TM9SF2: variants seen among roughly 807,000 people sequenced by gnomAD.
The protein encoded by TM9SF2 is 76 kDa membrane protein.
A neutral mutation model predicts 84.9 loss-of-function variants in TM9SF2; 13 were observed. That is an observed-to-expected ratio of 0.15 (90% CI 0.10 to 0.24). The LOEUF (loss-of-function observed/expected upper bound fraction) is 0.24. Among genes scored for constraint, TM9SF2 ranks in the 10% least tolerant of loss-of-function variants. The pLI, the probability that TM9SF2 is intolerant of heterozygous loss-of-function variation, is 1.00. For synonymous variants in TM9SF2, 273 were observed against 285.8 expected (o/e 0.96, Z 0.45); for missense variants, 562 against 818.5 (o/e 0.69, Z 3.82).
intron 1 of TM9SF2, among the ~76,000 whole-genome samples, chr13:99,504,499 C>T (rs1358839522): frequency 6.6e-6 from 1 of 152,130 alleles, no homozygotes; most frequent in Non-Finnish European, 1.5e-5. Flanking sequence ...ACAAATATAT[C>T]TTCAACTTAT....
chr13:99,516,108 A>G (rs985255339), intron 1 of TM9SF2, among the ~76,000 whole-genome samples: 2 of 152,136 alleles, frequency 1.3e-5, no homozygotes. Flanking sequence ...ATGTGGTCAA[A>G]TGTTTAATAA....
In TM9SF2 at chr13:99,554,318, A is replaced by T; in HGVS notation, c.1503A>T (p.Pro501=). 3 of 1,612,988 alleles carry T rather than the reference A, an allele frequency of 1.9e-6. No individual in the cohort carries two copies. Among genetic ancestry groups the T allele is most frequent in the Non-Finnish European group, 2.5e-6 (3 of 1,179,616 alleles). ...FGFKKNAIEH[P]VRTNQIPRQI... ...TTTTACTGAAGGCCATTGAACACCC[A>T]GTTCGAACCAATCAGATTCCACGTC... is the stretch of plus-strand genomic sequence containing the variant. Residue 501 remains proline (P), a synonymous_variant, in exon 14 of 17, where the codon CCA becomes CCT. Coordinates refer to ENST00000376387, the MANE Select transcript of TM9SF2 (RefSeq NM_004800.3).
At chr13:99,526,536 T>C (rs1402063415) in intron 3 of TM9SF2, among the ~76,000 whole-genome samples, 1 of 152,064 alleles carries the variant, frequency 6.6e-6, no homozygotes, top group African/African-American at 2.4e-5. Context: ...TTGGAGGTGA[T>C]GAACATTTGA....
In TM9SF2 at chr13:99,501,515, T is replaced by C; in HGVS notation, c.-92T>C. On this transcript the variant is annotated 5_prime_UTR_variant, in exon 1 of 17. Transcript: ENST00000376387. ...CTTCTGGGGGCCGGCTTCCTTTATC[T>C]CTGGCGGCCTTGTAGTCGTCTCCGA... is the stretch of plus-strand genomic sequence containing the variant. 1 of 1,482,462 alleles carries C rather than the reference T, an allele frequency of 6.7e-7. No homozygotes were observed. The highest frequency in any genetic ancestry group is 9.0e-7 in the Non-Finnish European group (1 of 1,105,206). 91.8% of individuals were successfully genotyped at this position (1,482,462 alleles called of 1,614,324 possible). A position where few individuals can be genotyped will look rare whatever the true frequency, so the allele number is the denominator to read the frequency against.
chr13:99,562,869 T>C lies in TM9SF2; in HGVS notation c.*111T>C. The C allele has an allele frequency of 1.0e-6, 1 of 981,242 alleles. No individual in the cohort carries two copies. The highest frequency in any genetic ancestry group is 1.6e-6 in the Non-Finnish European group (1 of 644,910). The allele number at this position is 981,242 out of a possible 1,614,324, so 60.8% of individuals were successfully genotyped here. On this transcript the variant is annotated 3_prime_UTR_variant, in exon 17 of 17. Transcript: ENST00000376387. ...TCAGAATTATTGGCCTAGTAATCCT[T>C]CAGAAACACCGTAATTCTAAATAAA...
chr13:99,502,962 T>C (rs1164535994), intron 1 of TM9SF2, among the ~76,000 whole-genome samples: 1 of 152,222 alleles, frequency 6.6e-6, no homozygotes. Flanking sequence ...ATGACATGTT[T>C]ATACATCTGT....
intron 4 of TM9SF2, among the ~76,000 whole-genome samples, chr13:99,531,734 A>G (rs1202204911): frequency 2.0e-5 from 3 of 152,176 alleles, no homozygotes; most frequent in African/African-American, 7.2e-5. Context: ...CTCAGTGCAA[A>G]TAGGAACTTT....
chr13:99,517,665 C>T lies in TM9SF2; in HGVS notation c.223C>T (p.Pro75Ser). ...NRLDSVESVL[P>S]YEYTAFDFCQ... ...ACTTGATTCAGTGGAATCAGTTCTT[C>T]CTTATGAATACACAGCGTAAGTTTT... The change falls in exon 2 of 17, where the codon CCT becomes TCT. Residue 75 changes from proline to serine, a missense_variant. Transcript: ENST00000376387. The T allele has an allele frequency of 6.3e-7, 1 of 1,591,136 alleles. No homozygotes were observed. The highest frequency in any genetic ancestry group is 1.7e-4 in the Middle Eastern group (1 of 5,998).
At chr13:99,541,465 CTG>C (rs772670087) in intron 8 of TM9SF2, 92 bp from the exon 9 acceptor site, 82 of 814,458 alleles carry the variant, frequency 1.0e-4, no homozygotes, top group Middle Eastern at 3.0e-4. Context: ...TTGATCAAGA[CTG>C]TTTTAATGTT....
chr13:99,511,807 CAAG>C (rs1379217474), intron 1 of TM9SF2, among the ~76,000 whole-genome samples: 2 of 152,030 alleles, frequency 1.3e-5, no homozygotes, highest in Non-Finnish European at 2.9e-5. Context: ...TCAGAAGAGA[CAAG>C]AAGGAAGAAA....
At chr13:99,560,111 G>A (rs1305596433) in intron 16 of TM9SF2, among the ~76,000 whole-genome samples, 1 of 152,078 alleles carries the variant, frequency 6.6e-6, no homozygotes. Flanking sequence ...TCACAGCCCC[G>A]GGTGCTTGGT....
In TM9SF2 at chr13:99,501,683, C is replaced by T. The variant is rs780278578; in HGVS notation, c.77C>T (p.Ala26Val). The part of the protein sequence containing the change: ...LLLLSLLLLG[A>V]VPGPRRSGAF... ...CTGCTGTCGCTGCTCCTGCTGGGGG[C>T]GGTTCCTGGCCCGCGCCGGAGCGGC... Residue 26 changes from alanine to valine, a missense_variant, in exon 1 of 17, where the codon GCG becomes GTG. By Grantham distance (64) the Ala-to-Val change is moderately conservative (BLOSUM62 0). This residue lies in a region of TM9SF2 where 267 missense variants were observed against 316.7 expected (regional missense o/e 0.84). Coordinates refer to ENST00000376387, the MANE Select transcript of TM9SF2 (RefSeq NM_004800.3). 2.5e-6 allele frequency: 4 copies of T among 1,613,038 alleles called. No homozygotes were observed. The East Asian group carries it at 6.7e-5, about 27-fold the overall frequency.
intron 13 of TM9SF2, 99 bp from the exon 14 acceptor site, chr13:99,554,205 C>T: frequency 7.1e-7 from 1 of 1,413,794 alleles, no homozygotes; most frequent in Non-Finnish European, 9.6e-7. Context: ...TTAGTGACAA[C>T]ATAGAAGCTG....
chr13:99,533,984 A>C (rs1040964539), intron 4 of TM9SF2, among the ~76,000 whole-genome samples: 11 of 152,008 alleles, frequency 7.2e-5, no homozygotes, highest in Non-Finnish European at 1.6e-4. Context: ...TTTTATTCTT[A>C]TTTGGGGCTT....
Position 99,547,111 on chromosome 13 carries a change from C to G in TM9SF2, c.1270+7C>G, listed in dbSNP as rs2046286029. On this transcript the variant is annotated splice_region_variant and intron_variant, in intron 11 of 16. Transcript: ENST00000376387. ...GCTGCCAGATTCTATAAGTGTAAGT[C>G]AAAGCCACTGTGACTGGCGTCTGAT... is the stretch of plus-strand genomic sequence containing the variant. The G allele has an allele frequency of 3.1e-6, 5 of 1,613,822 alleles. No homozygotes were observed. The highest frequency in any genetic ancestry group is 4.2e-6 in the Non-Finnish European group (5 of 1,179,842).
chr13:99,534,731 C>T (rs2046226173), intron 4 of TM9SF2, among the ~76,000 whole-genome samples: 1 of 152,232 alleles, frequency 6.6e-6, no homozygotes. Context: ...GTCATTCAGC[C>T]TTTATCCTTG....
At position 99,529,886 on chromosome 13, in the gene TM9SF2, G is replaced by T. The variant is rs536822273; in HGVS notation, c.461+292G>T. Among the ~76,000 whole-genome samples, 2 of 151,946 alleles carry T rather than the reference G, an allele frequency of 1.3e-5. No individual in the cohort carries two copies. The highest frequency in any genetic ancestry group is 2.9e-5 in the Non-Finnish European group (2 of 67,998). ...TTATTCACATACAGGCATACCTTGG[G>T]GATACTGAGGTTCAGTTCCATGCCA... On this transcript the variant is annotated intron_variant, in intron 4 of 16. Transcript: ENST00000376387.
At chr13:99,536,106 T>C (rs1465679078) in intron 4 of TM9SF2, among the ~76,000 whole-genome samples, 1 of 152,188 alleles carries the variant, frequency 6.6e-6, no homozygotes, top group African/African-American at 2.4e-5. Context: ...TTCTCTACTG[T>C]CTAATAAACT....
chr13:99,530,509 T>C (rs186452363), intron 4 of TM9SF2, among the ~76,000 whole-genome samples: 136 of 152,340 alleles, frequency 8.9e-4, no homozygotes, highest in Admixed American at 2.2e-3. Flanking sequence ...AAAAACACCA[T>C]ATCTGCAAAG....
Sources: gnomAD v4.1 joint callset for allele counts (sites outside exome capture counted in the v4.1 genomes callset) on GRCh38, gnomAD v4.1.1 for gene constraint, gnomAD v4.1.1 regional missense constraint, MANE v1.5 for transcripts, NCBI Gene and HGNC (gene_info 2026-07-23, HGNC 2026-07-21) for gene names.